ARID4B: variants seen among roughly 807,000 people sequenced by gnomAD.
The protein encoded by ARID4B is AT-rich interactive domain-containing protein 4B.
ARID4B carries 26 observed loss-of-function variants against 147.5 expected under a neutral mutation model. The observed-to-expected ratio is 0.18, with a 90% CI of 0.13 to 0.24. ARID4B has a LOEUF of 0.24. Among genes scored for constraint, ARID4B ranks in the 10% least tolerant of loss-of-function variants. The pLI is 1.00. For missense variants in ARID4B, 1,179 were observed against 1,511.5 expected (o/e 0.78, Z 3.65); for synonymous variants, 512 against 507.9 (o/e 1.01, Z -0.11).
rs193289411 is a variant in ARID4B, at chr1:235,324,433, A to C, written c.6+2481T>G. Among the ~76,000 whole-genome samples the C allele has an allele frequency of 1.6e-4, 24 of 152,340 alleles. No homozygotes were observed. In the East Asian group the frequency reaches 4.2e-3, roughly 27 times the overall value. ...CATGGGAAAACTGCTAAAACATACA[A>C]CACTTCAACTTTAAAACAACACCTA... On this transcript the variant is annotated intron_variant, in intron 2 of 23. Coordinates refer to ENST00000264183, the MANE Select transcript of ARID4B (RefSeq NM_016374.6).
chr1:235,228,285 CTTTTTTTTTTTTTTT>C (rs34559749), intron 11 of ARID4B: 1 of 73,914 alleles, frequency 1.4e-5, no homozygotes, highest in East Asian at 4.6e-4. Flanking sequence ...TAGGTAGGTT[CTTTTTTTTTTTTTTT>C]TTTTTTTTTT....
At chr1:235,238,578 G>A (rs1210664450) in intron 8 of ARID4B, among the ~76,000 whole-genome samples, 1 of 152,168 alleles carries the variant, frequency 6.6e-6, no homozygotes, top group Non-Finnish European at 1.5e-5. Flanking sequence ...GATGTGGGCT[G>A]GGCTCAGTAG....
intron 21 of ARID4B, chr1:235,176,759 C>A: frequency 2.2e-6 from 1 of 451,648 alleles, no homozygotes; most frequent in Non-Finnish European, 4.5e-6. Flanking sequence ...GCCTGGAAGT[C>A]ATATGGGCTC....
intron 9 of ARID4B, among the ~76,000 whole-genome samples, chr1:235,234,074 G>A (rs746149058): frequency 3.9e-5 from 6 of 152,002 alleles, no homozygotes; most frequent in East Asian, 1.9e-4. Context: ...GTGAGACTCC[G>A]TCTCAAAAAA....
intron 2 of ARID4B, among the ~76,000 whole-genome samples, chr1:235,319,851 G>A (rs1048311573): frequency 4.6e-5 from 7 of 151,856 alleles, no homozygotes; most frequent in Non-Finnish European, 8.8e-5. Context: ...AAAAAAGGCC[G>A]GGCGAGGTGA....
At chr1:235,200,598 G>A (rs1047573299) in intron 17 of ARID4B, among the ~76,000 whole-genome samples, 4 of 152,036 alleles carry the variant, frequency 2.6e-5, no homozygotes, top group African/African-American at 9.7e-5. Context: ...AATATTAGTG[G>A]GTCAAGATTT....
At position 235,255,263 on chromosome 1, in the gene ARID4B, A is replaced by ATC. The variant is rs746915541; in HGVS notation, c.274+396_274+397insGA. On this transcript the variant is annotated intron_variant, in intron 5 of 23. Coordinates refer to ENST00000264183, the MANE Select transcript of ARID4B (RefSeq NM_016374.6). ...GATAGATAGATAGATAGATAGATAGATATATATCTCTCTCTCTCTCTCTCT... is the reference window on the plus strand; with the variant it reads ...GATAGATAGATAGATAGATAGATAGATCTATATATCTCTCTCTCTCTCTCTCT... Among the ~76,000 whole-genome samples the ATC allele has an allele frequency of 8.8e-3, 797 of 90,770 alleles. 2 individuals carry two copies. Among genetic ancestry groups the ATC allele is most frequent in the African/African-American group, 0.021 (539 of 25,752 alleles). 59.5% of individuals were successfully genotyped at this position (90,770 alleles called of 152,430 possible). A position where few individuals can be genotyped will look rare whatever the true frequency, so the allele number is the denominator to read the frequency against.
Position 235,252,549 on chromosome 1 carries a change from A to C in ARID4B, c.354+181T>G, listed in dbSNP as rs370170118. 3.0e-4 allele frequency among the ~76,000 whole-genome samples: 45 copies of C among 152,338 alleles called. No homozygotes were observed. In the East Asian group the frequency reaches 6.7e-3, roughly 23 times the overall value. ...AAACACTTTACATAGACAAAAAAGA[A>C]GACAGAACCTGGTGCTCAAACACAG... is the stretch of plus-strand genomic sequence containing the variant. On this transcript the variant is annotated intron_variant, in intron 6 of 23. Transcript: ENST00000264183.
At position 235,170,910 on chromosome 1, in the gene ARID4B, C is replaced by CAA. The variant is rs1164420998; in HGVS notation, c.3811+1706_3811+1707dup. Among the ~76,000 whole-genome samples, 403 of 60,426 alleles carry CAA rather than the reference C, an allele frequency of 6.7e-3. 6 individuals are homozygous for CAA. The highest frequency in any genetic ancestry group is 0.012 in the African/African-American group (216 of 18,348). 39.6% of individuals were successfully genotyped at this position (60,426 alleles called of 152,430 possible). On this transcript the variant is annotated intron_variant, in intron 23 of 23. Transcript: ENST00000264183. ...CTGGTGACTGACCGAGACTCCGTCTCAAAAAAAAAAAAAAAAAAAAAAAAC... is the reference window on the plus strand; with the variant it reads ...CTGGTGACTGACCGAGACTCCGTCTCAAAAAAAAAAAAAAAAAAAAAAAAAAC...
At chr1:235,263,093 T>C (rs1187007883) in intron 2 of ARID4B, among the ~76,000 whole-genome samples, 2 of 152,188 alleles carry the variant, frequency 1.3e-5, no homozygotes, top group Non-Finnish European at 2.9e-5. Context: ...CACAGGCTCA[T>C]AACTTTCCAC....
At chr1:235,257,545 C>T (rs1215621082) in intron 3 of ARID4B, among the ~76,000 whole-genome samples, 1 of 151,416 alleles carries the variant, frequency 6.6e-6, no homozygotes, top group African/African-American at 2.4e-5. Flanking sequence ...TGCAGTAGCG[C>T]AATCTTGGCT....
chr1:235,179,553 A>C (rs1393541583), intron 20 of ARID4B, among the ~76,000 whole-genome samples: 6 of 147,248 alleles, frequency 4.1e-5, no homozygotes, highest in South Asian at 4.3e-4. Context: ...AAAAAAAAAA[A>C]CCCAACAAAA....
chr1:235,316,238 T>C (rs929979221), intron 2 of ARID4B, among the ~76,000 whole-genome samples: 7 of 152,200 alleles, frequency 4.6e-5, no homozygotes, highest in Admixed American at 3.3e-4. Flanking sequence ...TGGGGTGCAG[T>C]GGCTCACACC....
At chr1:235,268,343 T>C (rs1443653536) in intron 2 of ARID4B, among the ~76,000 whole-genome samples, 1 of 144,746 alleles carries the variant, frequency 6.9e-6, no homozygotes, top group Non-Finnish European at 1.5e-5. Flanking sequence ...CATGATTGTA[T>C]AATATATATA....
chr1:235,327,114 C>A, intron 1 of ARID4B, 146 bp from the exon 2 acceptor site: 1 of 604,740 alleles, frequency 1.7e-6, no homozygotes, highest in South Asian at 2.0e-5. Flanking sequence ...CACGCCGACT[C>A]GGGGCTCCCT....
intron 12 of ARID4B, among the ~76,000 whole-genome samples, chr1:235,223,958 A>G (rs1476464106): frequency 6.6e-6 from 1 of 152,200 alleles, no homozygotes; most frequent in Non-Finnish European, 1.5e-5. Flanking sequence ...TAAAGAAATA[A>G]TACAAGAATC....
chr1:235,229,273 T>TTCC lies in ARID4B; in HGVS notation c.852_854dup (p.Glu285dup), dbSNP rs770390558. 3.7e-6 allele frequency: 6 copies of TTCC among 1,612,712 alleles called. No individual in the cohort carries two copies. Among genetic ancestry groups the TTCC allele is most frequent in the South Asian group, 2.2e-5 (2 of 91,004 alleles). ...TATCCTCCTTTTCTTTTTCATCATC[T>TTCC]TCCTCCTCCTCTTCTTCCTCTGCTT... On this transcript the variant is annotated inframe_insertion, in exon 11 of 24. Transcript: ENST00000264183.
intron 23 of ARID4B, among the ~76,000 whole-genome samples, chr1:235,170,952 G>A (rs1336208254): frequency 6.7e-6 from 1 of 149,878 alleles, no homozygotes; most frequent in African/African-American, 2.5e-5. Context: ...CACACAAGTG[G>A]AAGCATAGTT....
At chr1:235,263,875 T>C (rs1163887433) in intron 2 of ARID4B, among the ~76,000 whole-genome samples, 2 of 150,980 alleles carry the variant, frequency 1.3e-5, no homozygotes, top group Non-Finnish European at 2.9e-5. Context: ...ACACCTGTAG[T>C]CCTAGCTACT....
Sources: gnomAD v4.1 joint callset for allele counts (sites outside exome capture counted in the v4.1 genomes callset) on GRCh38, gnomAD v4.1.1 for gene constraint, MANE v1.5 for transcripts, NCBI Gene and HGNC (gene_info 2026-07-23, HGNC 2026-07-21) for gene names.